Variants in COL5A3 observed in about 807,000 individuals in gnomAD.
COL5A3 encodes the protein collagen type V alpha 3 chain, also known as collagen alpha-3(V) chain.
In COL5A3, 172 loss-of-function variants were observed where a neutral mutation model predicts 250.0. The ratio of observed to expected loss-of-function variants is 0.69; its 90% CI spans 0.61 to 0.78. The LOEUF is 0.78. Ranked by LOEUF, COL5A3 falls within the 30% of genes least tolerant of loss-of-function variation. The pLI is 0.00. For synonymous variants in COL5A3, 937 were observed against 900.4 expected, an observed-to-expected ratio of 1.04 and a Z score of -0.73; for missense variants, 2,340 against 2,334.4, an observed-to-expected ratio of 1.00 and a Z score of -0.05.
rs778700322 is a variant in COL5A3 at position 9,976,628 on chromosome 19, CA to C, written c.3289-18del. The C allele has an allele frequency of 1.3e-6, 2 of 1,570,170 alleles. No homozygotes were observed. The highest frequency in any genetic ancestry group is 1.7e-6 in the Non-Finnish European group (2 of 1,160,822). On this transcript the variant is annotated intron_variant, in intron 44 of 66. Transcript: ENST00000264828. ...AGGTGGGCCCTGGGAGAACAGGAAA[CA>C]GAATCAAAAATTCCCTCAGGTTTAA... is the stretch of plus-strand genomic sequence containing the variant.
intron 45 of COL5A3, among the ~76,000 whole-genome samples, chr19:9,975,221 C>A (rs1228460562): frequency 6.6e-6 from 1 of 152,118 alleles, no homozygotes; most frequent in Non-Finnish European, 1.5e-5. Flanking sequence ...ATTACAGGGG[C>A]CCGCCACCAT....
chr19:9,987,373 A>G (rs945263693), intron 27 of COL5A3, among the ~76,000 whole-genome samples: 4 of 152,178 alleles, frequency 2.6e-5, no homozygotes, highest in African/African-American at 9.7e-5. Flanking sequence ...CTACAATGTA[A>G]CTAGACTCAA....
intron 27 of COL5A3, among the ~76,000 whole-genome samples, chr19:9,988,886 GAA>G (rs1377936175): frequency 7.2e-6 from 1 of 138,046 alleles, no homozygotes; most frequent in East Asian, 2.2e-4. Context: ...AAGGAAAAAG[GAA>G]AAGAGAAAAG....
chr19:9,966,140 T>A (rs2086741878), intron 64 of COL5A3, among the ~76,000 whole-genome samples, 174 bp downstream of exon 64: 1 of 152,206 alleles, frequency 6.6e-6, no homozygotes, highest in Non-Finnish European at 1.5e-5. Context: ...CTGATTTTTT[T>A]TCTTTTTGAT....
At chr19:9,969,981 G>T in intron 54 of COL5A3, 59 bp from the exon 55 acceptor site, 2 of 1,463,358 alleles carry the variant, frequency 1.4e-6, no homozygotes, top group East Asian at 2.3e-5. Context: ...AGAGGGGTGA[G>T]TGGGGTCTGG....
At chr19:9,983,549 A>AAAGAAAG (rs2087041496) in intron 31 of COL5A3, among the ~76,000 whole-genome samples, 2 of 66,888 alleles carry the variant, frequency 3.0e-5, no homozygotes, top group Admixed American at 1.3e-4. Context: ...AGAAAGAAAG[A>AAAGAAAG]AAGAAAGAAA....
In COL5A3 at chr19:9,993,025, G is replaced by T. The variant is rs746633313; in HGVS notation, c.1792C>A (p.Pro598Thr). Residue 598 changes from proline (P) to threonine (T), a missense_variant and splice_region_variant, in exon 20 of 67, where the codon CCG (proline) becomes ACG (threonine). This residue lies in a region of COL5A3 where 1,152 missense variants were observed against 1,146.3 expected (regional missense o/e 1.00). Coordinates refer to ENST00000264828, the MANE Select transcript of COL5A3 (RefSeq NM_015719.4). ...PPGPTGQAGE[P>T]GPRGLLGPRG... is the part of the protein sequence containing the mutation. Reference sequence around the variant, plus strand: ...GCCCAGGGATCCCTGATACTCACCGGCTCCCCAGCCTGGCCAGTGGGCCCT... The same window carrying T: ...GCCCAGGGATCCCTGATACTCACCGTCTCCCCAGCCTGGCCAGTGGGCCCT... 1 of 1,613,608 alleles carries T rather than the reference G, an allele frequency of 6.2e-7. No homozygotes were observed. Among genetic ancestry groups the T allele is most frequent in the Admixed American group, 1.7e-5 (1 of 59,956 alleles).
At chr19:9,965,812 A>G (rs1244130989) in intron 64 of COL5A3, among the ~76,000 whole-genome samples, 1 of 152,136 alleles carries the variant, frequency 6.6e-6, no homozygotes, top group Non-Finnish European at 1.5e-5. Flanking sequence ...TGAGTTCCAT[A>G]AAAGCAGAGA....
Position 9,978,903 on chromosome 19 carries a change from GC to G in COL5A3, c.2951del (p.Gly984AlafsTer10), listed in dbSNP as rs950356700. 5.4e-6 allele frequency: 8 copies of G among 1,479,346 alleles called. No homozygotes were observed. The African/African-American group carries it at 7.2e-5, about 13-fold the overall frequency. 91.6% of individuals were successfully genotyped at this position (1,479,346 alleles called of 1,614,324 possible). ...GLRGFPGPKGGPGDPGPTGLK... is the reference protein window; with the variant it reads ...GLRGFPGPKGXPGDPGPTGLK... ...CAAAGATACTCACCGGGTCCCCAGG[GC>G]CCCCTTTGGGGCCGGGAAAGCCCCT... On this transcript the variant is annotated frameshift_variant, in exon 40 of 67. Transcript: ENST00000264828. LOFTEE classifies it high-confidence loss of function.
chr19:9,984,728 T>C (rs1568419686), intron 31 of COL5A3, among the ~76,000 whole-genome samples: 1 of 152,098 alleles, frequency 6.6e-6, no homozygotes, highest in East Asian at 1.9e-4. Context: ...CAAGAAACTT[T>C]CCCAAGATCA....
chr19:9,992,851 G>A lies in COL5A3; in HGVS notation c.1824C>T (p.Gly608=). 6.2e-7 allele frequency: 1 copy of A among 1,614,146 alleles called. No individual in the cohort carries two copies. Among genetic ancestry groups the A allele is most frequent in the Non-Finnish European group, 8.5e-7 (1 of 1,179,978 alleles). ...PGPRGLLGPR[G]SPGPTGRPGV... ...CCGGGCGACCCGTGGGGCCAGGAGA[G>A]CCTCTGGGGCCAAGCAGTCCTCGTG... The change falls in exon 21 of 67, where the codon GGC becomes GGT. Residue 608 remains glycine (G), a synonymous_variant. Coordinates refer to ENST00000264828, the MANE Select transcript of COL5A3 (RefSeq NM_015719.4).
At chr19:9,973,539 G>A (rs2086880923) in intron 50 of COL5A3, 31 bp downstream of exon 50, 3 of 1,599,386 alleles carry the variant, frequency 1.9e-6, no homozygotes, top group Non-Finnish European at 2.6e-6. Flanking sequence ...CCCTGAGTTG[G>A]GTGCAGGGAC....
In COL5A3 at chr19:9,960,661, TC is replaced by T. The variant is rs2086660324; in HGVS notation, c.5080del (p.Asp1694MetfsTer147). 8.7e-6 allele frequency: 14 copies of T among 1,613,950 alleles called. No individual in the cohort carries two copies. The East Asian group carries it at 3.1e-4, about 36-fold the overall frequency. On this transcript the variant is annotated frameshift_variant, in exon 66 of 67. Coordinates refer to ENST00000264828, the MANE Select transcript of COL5A3 (RefSeq NM_015719.4). LOFTEE classifies it low-confidence loss of function (END_TRUNC). ...GCCCCACCCTCTTACCCGGCAGCCA[TC>T]CTGGGGGACGCTGACAGTGGCTGCT... is the stretch of plus-strand genomic sequence containing the variant. ...TTAATVSVPQ[D>X]GCRLRKGQTK...
chr19:9,960,672 G>C lies in COL5A3; in HGVS notation c.5070C>G (p.Ser1690Arg). The stretch of plus-strand genomic sequence containing the variant: ...TTACCCGGCAGCCATCCTGGGGGAC[G>C]CTGACAGTGGCTGCTGTCGTCTGGT... Reference protein sequence around the residue: ...SFNQTTAATVSVPQDGCRLRK... With the variant: ...SFNQTTAATVRVPQDGCRLRK... The change falls in exon 66 of 67, where the codon AGC (serine) becomes AGG (arginine). Residue 1690 changes from serine (S) to arginine (R), a missense_variant. This residue lies in a region of COL5A3 where 1,179 missense variants were observed against 1,162.6 expected (regional missense o/e 1.01). Coordinates refer to ENST00000264828, the MANE Select transcript of COL5A3 (RefSeq NM_015719.4). The C allele has an allele frequency of 2.5e-6, 4 of 1,613,880 alleles. No homozygotes were observed. The highest frequency in any genetic ancestry group is 3.4e-6 in the Non-Finnish European group (4 of 1,180,024).
At chr19:9,960,918 TG>T (rs35503647) in intron 65 of COL5A3, 28 bp from the exon 66 acceptor site, 41,186 of 1,598,100 alleles carry the variant, frequency 0.026, 1,298 homozygotes, top group African/African-American at 0.15. Context: ...AGGCAGAGGA[TG>T]AGGGGCTCCA....
chr19:9,960,682 G>A lies in COL5A3; in HGVS notation c.5060C>T (p.Ala1687Val). The change falls in exon 66 of 67, where the codon GCC (alanine) becomes GTC (valine). Residue 1687 changes from alanine to valine, a missense_variant. Physicochemically the swap from Ala to Val is moderately conservative, Grantham distance 64 (BLOSUM62 0). Around this residue, in one of 3 missense-constraint regions of COL5A3, gnomAD observed 1,179 missense variants for 1,162.6 expected, o/e 1.01. Coordinates refer to ENST00000264828, the MANE Select transcript of COL5A3 (RefSeq NM_015719.4). ...EELSFNQTTA[A>V]TVSVPQDGCR... ...GCCATCCTGGGGGACGCTGACAGTG[G>A]CTGCTGTCGTCTGGTTGAAAGACAG... 1 of 1,613,940 alleles carries A rather than the reference G, an allele frequency of 6.2e-7. No individual in the cohort carries two copies.
chr19:9,998,931 G>A (rs565699247), intron 8 of COL5A3, among the ~76,000 whole-genome samples: 45 of 152,122 alleles, frequency 3.0e-4, no homozygotes, highest in Admixed American at 3.9e-4. Flanking sequence ...TGATCCACCC[G>A]CCTCATCCTC....
In COL5A3 at chr19:9,995,577, C is replaced by A. The variant is rs200804150; in HGVS notation, c.1574G>T (p.Arg525Leu). ...GLQGPHGPPG[R>L]VGKMGRPGAD... ...GCTGTCACTCACCATCTTGCCCACTCGGCCAGGGGGTCCATGAGGTCCCTG... is the reference window on the plus strand; with the variant it reads ...GCTGTCACTCACCATCTTGCCCACTAGGCCAGGGGGTCCATGAGGTCCCTG... The change falls in exon 16 of 67, where the codon CGA becomes CTA. Residue 525 changes from arginine (R) to leucine (L), a missense_variant. Physicochemically the swap from Arg to Leu is moderately radical, Grantham distance 102 (BLOSUM62 -2). Transcript: ENST00000264828. 1 of 1,607,760 alleles carries A rather than the reference C, an allele frequency of 6.2e-7. No homozygotes were observed. Among genetic ancestry groups the A allele is most frequent in the South Asian group, 1.1e-5 (1 of 90,156 alleles).
intron 1 of COL5A3, among the ~76,000 whole-genome samples, chr19:10,007,172 A>C (rs2087455865): frequency 7.5e-6 from 1 of 132,978 alleles, no homozygotes; most frequent in Non-Finnish European, 1.6e-5. Flanking sequence ...TTCCCCTCTG[A>C]CCTCCTCCCT....
Sources: allele counts gnomAD v4.1 joint callset (sites outside exome capture counted in the v4.1 genomes callset), GRCh38; gene constraint gnomAD v4.1.1; regional missense constraint gnomAD v4.1.1; transcripts MANE v1.5; gene names NCBI Gene and HGNC (gene_info 2026-07-23, HGNC 2026-07-21).